The following SSBP2 variants were observed in gnomAD, a reference collection of about 807,000 sequenced individuals.
SSBP2 encodes single stranded DNA binding protein 2.
A neutral mutation model predicts 61.8 loss-of-function variants in SSBP2; 17 were observed. The ratio of observed to expected loss-of-function variants is 0.28; its 90% CI spans 0.19 to 0.41. The LOEUF (loss-of-function observed/expected upper bound fraction) is 0.41, where lower values mean the gene tolerates loss of function less well. SSBP2 is among the 10% of genes least tolerant of loss of function. SSBP2 has a pLI of 1.00. For synonymous variants in SSBP2, 139 were observed against 141.3 expected (o/e 0.98, Z 0.12); for missense variants, 310 against 458.7 (o/e 0.68, Z 2.96).
intron 4 of SSBP2, among the ~76,000 whole-genome samples, chr5:81,533,405 C>T (rs1403350991): frequency 6.6e-6 from 1 of 151,870 alleles, no homozygotes; most frequent in Non-Finnish European, 1.5e-5. Context: ...ATTACTCTGA[C>T]AGTAAAACCA....
chr5:81,495,691 A>G (rs1437454852), intron 5 of SSBP2, among the ~76,000 whole-genome samples: 1 of 152,218 alleles, frequency 6.6e-6, no homozygotes, highest in African/African-American at 2.4e-5. Context: ...AATTCTTAAA[A>G]TAAGGCCAGC....
intron 4 of SSBP2, among the ~76,000 whole-genome samples, chr5:81,582,160 C>T (rs980386664): frequency 2.6e-5 from 4 of 152,076 alleles, no homozygotes; most frequent in African/African-American, 9.7e-5. Flanking sequence ...AAGCATTCAT[C>T]TTTGTTTGGG....
At chr5:81,479,208 C>T (rs1219464159) in intron 6 of SSBP2, among the ~76,000 whole-genome samples, 1 of 152,138 alleles carries the variant, frequency 6.6e-6, no homozygotes, top group Non-Finnish European at 1.5e-5. Flanking sequence ...ACATCTGTGA[C>T]ATATTATTTC....
chr5:81,463,247 T>C (rs894372077), intron 9 of SSBP2, among the ~76,000 whole-genome samples: 2 of 152,156 alleles, frequency 1.3e-5, no homozygotes, highest in African/African-American at 2.4e-5. Context: ...TAGGGAGTAG[T>C]TCTATTAGAA....
intron 4 of SSBP2, among the ~76,000 whole-genome samples, chr5:81,569,484 C>T (rs1773682866): frequency 6.6e-6 from 1 of 152,142 alleles, no homozygotes; most frequent in Admixed American, 6.5e-5. Flanking sequence ...TGCATAAATA[C>T]TCCATGCCTC....
chr5:81,496,243 G>A (rs957941629), intron 5 of SSBP2, among the ~76,000 whole-genome samples: 36 of 152,026 alleles, frequency 2.4e-4, no homozygotes, highest in African/African-American at 7.7e-4. Flanking sequence ...GCAGTGGCGC[G>A]ATCTCGGCTC....
intron 4 of SSBP2, among the ~76,000 whole-genome samples, chr5:81,552,733 A>C (rs1294046684): frequency 1.3e-5 from 2 of 151,784 alleles, no homozygotes; most frequent in Admixed American, 6.6e-5. Flanking sequence ...TGTGAAGAGG[A>C]ATTGGTAGAA....
chr5:81,522,153 T>C (rs1440800608), intron 4 of SSBP2, among the ~76,000 whole-genome samples: 1 of 152,028 alleles, frequency 6.6e-6, no homozygotes, highest in Non-Finnish European at 1.5e-5. Flanking sequence ...ATCAGTAATA[T>C]AATGCGTAAA....
intron 4 of SSBP2, among the ~76,000 whole-genome samples, chr5:81,549,640 TAC>T (rs1474730726): frequency 6.6e-6 from 1 of 152,198 alleles, no homozygotes; most frequent in Non-Finnish European, 1.5e-5. Flanking sequence ...ACTGAAAGAA[TAC>T]ATGAATGATT....
At chr5:81,745,600 TC>T (rs1337644345) in intron 1 of SSBP2, among the ~76,000 whole-genome samples, 1 of 152,020 alleles carries the variant, frequency 6.6e-6, no homozygotes, top group Non-Finnish European at 1.5e-5. Context: ...AATCTGTAAT[TC>T]CCACACCAAT....
intron 6 of SSBP2, among the ~76,000 whole-genome samples, chr5:81,483,891 T>G (rs1031153516): frequency 6.6e-6 from 1 of 152,126 alleles, no homozygotes; most frequent in African/African-American, 2.4e-5. Context: ...ATTAATTTAA[T>G]TAAAAATTTA....
intron 4 of SSBP2, among the ~76,000 whole-genome samples, chr5:81,543,173 C>G (rs1395718658): frequency 6.6e-6 from 1 of 152,134 alleles, no homozygotes; most frequent in Non-Finnish European, 1.5e-5. Flanking sequence ...TATACTCTCT[C>G]CTACAGCCTT....
At chr5:81,665,423 G>T (rs1462551974) in intron 1 of SSBP2, among the ~76,000 whole-genome samples, 1 of 152,072 alleles carries the variant, frequency 6.6e-6, no homozygotes, top group Non-Finnish European at 1.5e-5. Flanking sequence ...TTAAATCCCG[G>T]TATCAGTCAC....
chr5:81,653,151 T>C (rs1247407850), intron 1 of SSBP2, among the ~76,000 whole-genome samples: 2 of 152,058 alleles, frequency 1.3e-5, no homozygotes, highest in Non-Finnish European at 2.9e-5. Context: ...CCTGTGTCCA[T>C]GTGTTCTCAT....
intron 1 of SSBP2, among the ~76,000 whole-genome samples, chr5:81,662,888 T>C (rs912876053): frequency 6.6e-6 from 1 of 152,192 alleles, no homozygotes; most frequent in Non-Finnish European, 1.5e-5. Flanking sequence ...CAAAATCCAT[T>C]ACATGCTTGC....
intron 4 of SSBP2, among the ~76,000 whole-genome samples, chr5:81,544,081 G>A (rs1354573921): frequency 2.6e-5 from 4 of 151,822 alleles, no homozygotes; most frequent in African/African-American, 4.8e-5. Flanking sequence ...ACGGAGTCTC[G>A]CTCTGTGGCC....
intron 16 of SSBP2, among the ~76,000 whole-genome samples, chr5:81,427,425 G>A (rs1006272359): frequency 6.6e-6 from 1 of 151,926 alleles, no homozygotes; most frequent in Non-Finnish European, 1.5e-5. Flanking sequence ...TAACAGAAAC[G>A]AACTCTAAAA....
At chr5:81,444,960 TAAA>T (rs1410218943) in intron 12 of SSBP2, among the ~76,000 whole-genome samples, 1 of 150,360 alleles carries the variant, frequency 6.7e-6, no homozygotes, top group African/African-American at 2.4e-5. Context: ...CCGTCTCTAC[TAAA>T]AATACAAAAA....
intron 15 of SSBP2, among the ~76,000 whole-genome samples, chr5:81,433,602 A>AG (rs1762480954): frequency 6.6e-6 from 1 of 151,570 alleles, no homozygotes; most frequent in African/African-American, 2.4e-5. Context: ...TAAAAAAAAA[A>AG]AAAAAAAGAA....
Sources: allele counts gnomAD v4.1 joint callset (sites outside exome capture counted in the v4.1 genomes callset), GRCh38; gene constraint gnomAD v4.1.1; transcripts MANE v1.5; gene names NCBI Gene and HGNC (gene_info 2026-07-23, HGNC 2026-07-21).